The following AFG2A variants were observed in gnomAD, a reference collection of about 807,000 sequenced individuals.
AFG2A encodes AAA ATPase AFG2A.
At chr4:123,145,358 T>C in the AFG2A span, among the ~76,000 whole-genome samples, 1 of 151,878 alleles carries the variant, frequency 6.6e-6, no homozygotes, top group Non-Finnish European at 1.5e-5. Flanking sequence ...AAAGTTGGCT[T>C]CAGTTTCTTC....
chr4:123,048,807 G>A, the AFG2A span, among the ~76,000 whole-genome samples: 1 of 152,088 alleles, frequency 6.6e-6, no homozygotes, highest in African/African-American at 2.4e-5. Flanking sequence ...TATGTCATCT[G>A]CAAACAAGCA....
At chr4:123,161,939 G>A in the AFG2A span, among the ~76,000 whole-genome samples, 1 of 152,110 alleles carries the variant, frequency 6.6e-6, no homozygotes, top group Admixed American at 6.6e-5. Context: ...ACAAGCCAAG[G>A]CAAGTCCAAA....
chr4:123,230,427 T>A, the AFG2A span, among the ~76,000 whole-genome samples: 2 of 151,964 alleles, frequency 1.3e-5, no homozygotes, highest in Non-Finnish European at 2.9e-5. Context: ...ATTCCTGCAA[T>A]TCAGTCATAA....
the AFG2A span, among the ~76,000 whole-genome samples, chr4:123,287,849 T>C: frequency 6.6e-6 from 1 of 152,094 alleles, no homozygotes; most frequent in Non-Finnish European, 1.5e-5. Flanking sequence ...TGGAAAACCT[T>C]GCCGAGAAGG....
chr4:123,084,043 AAGTTTTTAAGGAATTTATTCATTTCATCT>A, the AFG2A span, among the ~76,000 whole-genome samples: 2 of 152,092 alleles, frequency 1.3e-5, no homozygotes, highest in African/African-American at 4.8e-5. Context: ...TGGCAGATTG[AAGTTTTTAAGGAATTTATTCATTTCATCT>A]AGGTTATCAA....
the AFG2A span, among the ~76,000 whole-genome samples, chr4:123,254,893 T>C: frequency 6.6e-6 from 1 of 152,206 alleles, no homozygotes; most frequent in East Asian, 1.9e-4. Flanking sequence ...TTATTAGAAC[T>C]CTGCTATTTT....
chr4:123,020,159 C>T, the AFG2A span, among the ~76,000 whole-genome samples: 1 of 151,884 alleles, frequency 6.6e-6, no homozygotes, highest in East Asian at 1.9e-4. Context: ...GCTTCCTTGT[C>T]CTCATGCTTT....
chr4:123,181,746 G>A, the AFG2A span, among the ~76,000 whole-genome samples: 1 of 152,314 alleles, frequency 6.6e-6, no homozygotes, highest in South Asian at 2.1e-4. Context: ...CAAACTAATT[G>A]TGTGCTTTGG....
chr4:123,245,523 CTCTT>C, the AFG2A span, among the ~76,000 whole-genome samples: 49 of 152,206 alleles, frequency 3.2e-4, no homozygotes, highest in Non-Finnish European at 5.7e-4. Context: ...TGTAAAATGA[CTCTT>C]TAATAGAAAT....
At chr4:123,229,752 GA>G in the AFG2A span, among the ~76,000 whole-genome samples, 1 of 151,814 alleles carries the variant, frequency 6.6e-6, no homozygotes, top group Non-Finnish European at 1.5e-5. Context: ...TCTTTATTTG[GA>G]TATACCTGTA....
At chr4:123,236,208 C>T in the AFG2A span, among the ~76,000 whole-genome samples, 283 of 152,260 alleles carry the variant, frequency 1.9e-3, 8 homozygotes, top group Non-Finnish European at 3.7e-4. Flanking sequence ...TTTCCCTAAA[C>T]GCATTCAAGA....
chr4:122,987,049 T>C, the AFG2A span, among the ~76,000 whole-genome samples: 12 of 152,320 alleles, frequency 7.9e-5, no homozygotes, highest in Admixed American at 5.9e-4. Flanking sequence ...AGTTAATGAA[T>C]TGACTCTTAT....
the AFG2A span, among the ~76,000 whole-genome samples, chr4:123,023,033 T>G: frequency 4.9e-3 from 427 of 86,304 alleles, 3 homozygotes; most frequent in African/African-American, 0.018. Context: ...TGGGGACTGT[T>G]GTGGGGTTGG....
the AFG2A span, among the ~76,000 whole-genome samples, chr4:123,270,819 A>T: frequency 6.6e-6 from 1 of 152,218 alleles, no homozygotes; most frequent in Non-Finnish European, 1.5e-5. Flanking sequence ...ATAGCTGGAA[A>T]TGTTATTATC....
the AFG2A span, among the ~76,000 whole-genome samples, chr4:123,004,099 G>C: frequency 6.6e-6 from 1 of 152,214 alleles, no homozygotes; most frequent in African/African-American, 2.4e-5. Context: ...CGTGGGCGTA[G>C]GACCCTCTGA....
At chr4:123,117,673 A>G in the AFG2A span, among the ~76,000 whole-genome samples, 1 of 151,662 alleles carries the variant, frequency 6.6e-6, no homozygotes, top group East Asian at 1.9e-4. Context: ...AACTGAATGC[A>G]TGTTGTCGAA....
At chr4:122,944,282 G>A in the AFG2A span, among the ~76,000 whole-genome samples, 3 of 151,816 alleles carry the variant, frequency 2.0e-5, no homozygotes, top group Non-Finnish European at 2.9e-5. Flanking sequence ...CCAATCAGAC[G>A]TAGATTTGGT....
the AFG2A span, among the ~76,000 whole-genome samples, chr4:123,207,285 C>CTTTTTTTT: frequency 3.7e-5 from 4 of 108,486 alleles, no homozygotes; most frequent in Non-Finnish European, 7.0e-5. Context: ...GTTGTGTTTC[C>CTTTTTTTT]TTTTTTTTTT....
chr4:123,055,724 A>G, the AFG2A span, among the ~76,000 whole-genome samples: 11 of 152,194 alleles, frequency 7.2e-5, no homozygotes, highest in Non-Finnish European at 1.5e-4. Context: ...ACACAGAGAG[A>G]GGGAGAGAGA....
Sources: allele counts gnomAD v4.1 joint callset (sites outside exome capture counted in the v4.1 genomes callset), GRCh38; gene constraint gnomAD v4.1.1; transcripts MANE v1.5; gene names NCBI Gene and HGNC (gene_info 2026-07-23, HGNC 2026-07-21).